Variants in POGZ observed in about 807,000 individuals in gnomAD.
POGZ encodes the protein pogo transposable element with ZNF domain.
In POGZ, 17 loss-of-function variants were observed where a neutral mutation model predicts 134.6. That is an observed-to-expected ratio of 0.13 (90% CI 0.09 to 0.19). POGZ has a LOEUF of 0.19. Ranked by LOEUF, POGZ falls within the 10% of genes least tolerant of loss-of-function variation. The pLI, the probability that POGZ is intolerant of heterozygous loss-of-function variation, is 1.00. For synonymous variants in POGZ, 693 were observed against 657.1 expected (o/e 1.05, Z -0.84); for missense variants, 1,306 against 1,769.7 (o/e 0.74, Z 4.70).
At position 151,405,749 on chromosome 1, in the gene POGZ, C is replaced by T; in HGVS notation, c.3286G>A (p.Asp1096Asn). Residue 1096 changes from aspartate to asparagine, a missense_variant, in exon 19 of 19, where the codon GAT becomes AAT. Asp to Asn is a conservative substitution (Grantham distance 23). Transcript: ENST00000271715. The surrounding 1 kb of genome is among the most constrained non-coding windows in gnomAD (Gnocchi z 4.9). ...AAGAGTCCTGCATTCTCTGCTACATCCTTAGGTAGGGTGTGGGCCACAGCT... is the reference window on the plus strand; with the variant it reads ...AAGAGTCCTGCATTCTCTGCTACATTCTTAGGTAGGGTGTGGGCCACAGCT... Reference protein sequence around the residue: ...RRAVAHTLPKDVAENAGLFID... With the variant: ...RRAVAHTLPKNVAENAGLFID... The T allele has an allele frequency of 6.2e-7, 1 of 1,614,186 alleles. No homozygotes were observed. The highest frequency in any genetic ancestry group is 8.5e-7 in the Non-Finnish European group (1 of 1,180,032).
In POGZ at chr1:151,404,780, C is replaced by T. The variant is rs770589404; in HGVS notation, c.*22G>A. 6 of 1,572,624 alleles carry T rather than the reference C, an allele frequency of 3.8e-6. No individual in the cohort carries two copies. The East Asian group carries it at 6.7e-5, about 18-fold the overall frequency. ...CTCACATGTTCCCACCCTCACTCCA[C>T]ACCCCCTCATGACCCCAACACTCAA... On this transcript the variant is annotated 3_prime_UTR_variant, in exon 19 of 19. Coordinates refer to ENST00000271715, the MANE Select transcript of POGZ (RefSeq NM_015100.4).
intron 1 of POGZ, among the ~76,000 whole-genome samples, chr1:151,452,443 T>A (rs72633639): frequency 6.6e-6 from 1 of 151,934 alleles, no homozygotes; most frequent in East Asian, 2.0e-4. Context: ...CTCAACCTCC[T>A]GGGCTCAGGT....
At chr1:151,407,323 G>C (rs1414141482) in intron 15 of POGZ, 32 bp from the exon 16 acceptor site, 1 of 1,519,212 alleles carries the variant, frequency 6.6e-7, no homozygotes, top group East Asian at 2.3e-5. Flanking sequence ...TATGAGTTAC[G>C]GAGTTCTGCT....
At chr1:151,421,464 G>C in intron 10 of POGZ, among the ~76,000 whole-genome samples, 1 of 152,158 alleles carries the variant, frequency 6.6e-6, no homozygotes, top group Non-Finnish European at 1.5e-5. Context: ...TAGTGTTACT[G>C]TAAGCCATTA....
intron 3 of POGZ, among the ~76,000 whole-genome samples, chr1:151,434,034 C>A (rs1219254731): frequency 6.6e-6 from 1 of 152,014 alleles, no homozygotes; most frequent in Non-Finnish European, 1.5e-5. Context: ...CAAGGCCAGG[C>A]GTGGTGGCTT....
At chr1:151,446,923 T>TA (rs1350834617) in intron 1 of POGZ, among the ~76,000 whole-genome samples, 1 of 152,044 alleles carries the variant, frequency 6.6e-6, no homozygotes, top group Non-Finnish European at 1.5e-5. Context: ...ATAAAAAAGT[T>TA]AGACATGTAT....
In POGZ at chr1:151,406,403, A is replaced by G. The variant is rs1045585061; in HGVS notation, c.2632T>C (p.Ser878Pro). 3 of 1,571,394 alleles carry G rather than the reference A, an allele frequency of 1.9e-6. No individual in the cohort carries two copies. Among genetic ancestry groups the G allele is most frequent in the African/African-American group, 2.7e-5 (2 of 73,578 alleles). ...GTGGCAGCTTTGTTAGTGGGGAAGG[A>G]AGGAGGAGGGTACATATTCTTCACG... ...RNVKNMYPPP[S>P]FPTNKAATVK... The change falls in exon 19 of 19, where the codon TCC becomes CCC. Residue 878 changes from serine (S) to proline (P), a missense_variant. Ser to Pro is a moderately conservative substitution (Grantham distance 74). Around this residue, in one of 10 missense-constraint regions of POGZ, gnomAD observed 214 missense variants for 255.5 expected, o/e 0.84. Transcript: ENST00000271715.
intron 3 of POGZ, among the ~76,000 whole-genome samples, chr1:151,435,747 G>A (rs1234380728): frequency 1.3e-5 from 2 of 151,448 alleles, no homozygotes; most frequent in African/African-American, 2.4e-5. Context: ...TGCTCACCTC[G>A]GCCTCCCAAA....
chr1:151,449,489 G>A (rs1184720650), intron 1 of POGZ, among the ~76,000 whole-genome samples: 2 of 152,104 alleles, frequency 1.3e-5, no homozygotes, highest in African/African-American at 4.8e-5. Flanking sequence ...TGTCAATAGT[G>A]CCAAGACTGA....
At chr1:151,458,155 T>G (rs991550742) in intron 1 of POGZ, among the ~76,000 whole-genome samples, 16 of 152,086 alleles carry the variant, frequency 1.1e-4, no homozygotes, top group Non-Finnish European at 1.9e-4. Context: ...CTAAGACAAG[T>G]GCTACTAGCA....
At chr1:151,413,181 C>T (rs967126741) in intron 10 of POGZ, among the ~76,000 whole-genome samples, 21 of 150,888 alleles carry the variant, frequency 1.4e-4, no homozygotes, top group African/African-American at 3.9e-4. Context: ...CTCACCGCAG[C>T]CTCCTGAGTA....
Position 151,405,643 on chromosome 1 carries a change from A to T in POGZ, c.3392T>A (p.Phe1131Tyr), listed in dbSNP as rs768404863. 6.2e-7 allele frequency: 1 copy of T among 1,614,198 alleles called. No individual in the cohort carries two copies. The highest frequency in any genetic ancestry group is 1.1e-5 in the South Asian group (1 of 91,080). Residue 1131 changes from phenylalanine to tyrosine, a missense_variant, in exon 19 of 19, where the codon TTC (phenylalanine) becomes TAC (tyrosine). By Grantham distance (22) the Phe-to-Tyr change is conservative. Coordinates refer to ENST00000271715, the MANE Select transcript of POGZ (RefSeq NM_015100.4). This position sits in a 1 kb window ranked among gnomAD's most constrained non-coding sequence, Gnocchi z 4.9. Reference protein sequence around the residue: ...MIVAIDEISLFLDTEVLSSDD... With the variant: ...MIVAIDEISLYLDTEVLSSDD... ...ACTGCTCAGCACCTCTGTATCCAGG[A>T]ACAAAGAGATCTCATCAATAGCCAC...
At position 151,415,665 on chromosome 1, in the gene POGZ, C is replaced by A. The variant is rs550991602; in HGVS notation, c.1679-3269G>T. Among the ~76,000 whole-genome samples, 3 of 134,828 alleles carry A rather than the reference C, an allele frequency of 2.2e-5. No individual in the cohort carries two copies. The East Asian group carries it at 6.3e-4, about 28-fold the overall frequency. 88.5% of individuals were successfully genotyped at this position (134,828 alleles called of 152,430 possible). A position where few individuals can be genotyped will look rare whatever the true frequency, so the allele number is the denominator to read the frequency against. On this transcript the variant is annotated intron_variant, in intron 10 of 18. Transcript: ENST00000271715. ...CAGCCTGGGCAAAAGAGCGAGACTC[C>A]GTCTCAAAAAAAAAAAAAAAAAAAA...
rs781547201 is a variant in POGZ, at chr1:151,424,092, G to A, written c.1380C>T (p.Ala460=). Residue 460 remains alanine (A), a synonymous_variant, in exon 9 of 19, where the codon GCC becomes GCT. Transcript: ENST00000271715. ...VPEPNENVGD[A]VQTKLIMLVD... is the part of the protein sequence containing the mutation. Reference sequence around the variant, plus strand: ...CAAGCATAATGAGTTTGGTCTGGACGGCATCGCCCACGTTCTCATTTGGTT... The same window carrying A: ...CAAGCATAATGAGTTTGGTCTGGACAGCATCGCCCACGTTCTCATTTGGTT... 3.7e-6 allele frequency: 6 copies of A among 1,614,114 alleles called. No homozygotes were observed. Among genetic ancestry groups the A allele is most frequent in the Non-Finnish European group, 5.1e-6 (6 of 1,180,008 alleles).
intron 10 of POGZ, among the ~76,000 whole-genome samples, chr1:151,421,226 T>A (rs1344820852): frequency 6.6e-6 from 1 of 151,906 alleles, no homozygotes; most frequent in Non-Finnish European, 1.5e-5. Flanking sequence ...GTGAAAAAAA[T>A]TAAAATTACT....
At position 151,451,804 on chromosome 1, in the gene POGZ, T is replaced by C. The variant is rs992117000; in HGVS notation, c.-2+7348A>G. Reference sequence around the variant, plus strand: ...AAACTAATAGAAGTCTCTTTAAAAATGTCAATGTTCGGCTGGACGCGGTGG... The same window carrying C: ...AAACTAATAGAAGTCTCTTTAAAAACGTCAATGTTCGGCTGGACGCGGTGG... On this transcript the variant is annotated intron_variant, in intron 1 of 18. Coordinates refer to ENST00000271715, the MANE Select transcript of POGZ (RefSeq NM_015100.4). 5.3e-5 allele frequency among the ~76,000 whole-genome samples: 8 copies of C among 151,554 alleles called. 1 individual carries two copies. The East Asian group carries it at 1.2e-3, about 22-fold the overall frequency.
In POGZ at chr1:151,412,235, A is replaced by G. The variant is rs1887545; in HGVS notation, c.1779+61T>C. 0.81 allele frequency: 702,286 copies of G among 862,394 alleles called. 286,924 individuals carry two copies. Among genetic ancestry groups the G allele is most frequent in the African/African-American group, 0.83 (49,241 of 59,296 alleles). 53.4% of individuals were successfully genotyped at this position (862,394 alleles called of 1,614,324 possible). ...AGGTGGTCAACAATATTCATTAGTA[A>G]ATTCTTTGTATTCTTCCTGAGGGCA... On this transcript the variant is annotated intron_variant, in intron 11 of 18. Transcript: ENST00000271715.
chr1:151,412,716 T>C (rs1654882146), intron 10 of POGZ, among the ~76,000 whole-genome samples: 1 of 152,146 alleles, frequency 6.6e-6, no homozygotes, highest in Non-Finnish European at 1.5e-5. Context: ...CCTTTCCCCA[T>C]TTCTTCCTGA....
Position 151,428,159 on chromosome 1 carries a change from G to A in POGZ, c.823C>T (p.Pro275Ser). 6.2e-7 allele frequency: 1 copy of A among 1,614,196 alleles called. No homozygotes were observed. Among genetic ancestry groups the A allele is most frequent in the Non-Finnish European group, 8.5e-7 (1 of 1,180,038 alleles). Reference protein sequence around the residue: ...TSLGQLAVQSPGQSNQTTNPK... With the variant: ...TSLGQLAVQSSGQSNQTTNPK... ...TTCGTGGTCTGGTTTGACTGGCCTG[G>A]AGACTGAACAGCTAGTTGCCCCAGT... Residue 275 changes from proline (P) to serine (S), a missense_variant, in exon 6 of 19, where the codon CCA becomes TCA. Pro to Ser is a moderately conservative substitution (Grantham distance 74). Transcript: ENST00000271715.
Sources: gnomAD v4.1 joint callset for allele counts (sites outside exome capture counted in the v4.1 genomes callset) on GRCh38, gnomAD v4.1.1 for gene constraint, gnomAD v4.1.1 regional missense constraint, Gnocchi (gnomAD v3.1) non-coding constraint, MANE v1.5 for transcripts, NCBI Gene and HGNC (gene_info 2026-07-23, HGNC 2026-07-21) for gene names.